Variants in KCNC4 observed in about 807,000 individuals in gnomAD.
KCNC4 encodes the protein potassium voltage-gated channel subfamily C member 4.
Under a neutral mutation model 42.8 loss-of-function variants are expected in KCNC4, and 23 were observed. The ratio of observed to expected loss-of-function variants is 0.54; its 90% confidence interval spans 0.39 to 0.76. The LOEUF (loss-of-function observed/expected upper bound fraction) is 0.76. Among genes scored for constraint, KCNC4 ranks in the 30% least tolerant of loss-of-function variants. The pLI, the probability that KCNC4 is intolerant of heterozygous loss-of-function variation, is 0.00. For synonymous variants in KCNC4, 422 were observed against 393.5 expected (o/e 1.07, Z -0.86); for missense variants, 751 against 898.2 (o/e 0.84, Z 2.10).
intron 3 of KCNC4, among the ~76,000 whole-genome samples, chr1:110,226,670 C>G (rs1421707475): frequency 6.6e-6 from 1 of 152,188 alleles, no homozygotes; most frequent in Admixed American, 6.5e-5. Context: ...GGTCCTGGAG[C>G]ACAGGATGGG....
downstream of KCNC4, among the ~76,000 whole-genome samples, chr1:110,253,438 A>G (rs1571071395): frequency 6.6e-6 from 1 of 152,250 alleles, no homozygotes; most frequent in Non-Finnish European, 1.5e-5. Flanking sequence ...AGCATCTAGC[A>G]TAGTGTCAAC....
chr1:110,240,183 T>A (rs1182297717), exon 4 of KCNC4: 2 of 152,114 alleles, frequency 1.3e-5, no homozygotes, highest in Non-Finnish European at 2.9e-5. Flanking sequence ...CCCCACTCCT[T>A]CCAGTCTTCC....
At position 110,233,393 on chromosome 1, in the gene KCNC4, T is replaced by C; in HGVS notation, c.*421T>C. ...TCTGGGAATTGCCAGTCCAGCTGGGTAGTCCCAGGCTCCTGTCTTGGGGAT... is the reference window on the plus strand; with the variant it reads ...TCTGGGAATTGCCAGTCCAGCTGGGCAGTCCCAGGCTCCTGTCTTGGGGAT... On this transcript the variant is annotated 3_prime_UTR_variant, in exon 4 of 4. Coordinates refer to ENST00000438661, the MANE Select transcript of KCNC4 (RefSeq NM_001039574.3). 1 of 248,472 alleles carries C rather than the reference T, an allele frequency of 4.0e-6. No individual in the cohort carries two copies. The allele number at this position is 248,472 out of a possible 1,614,324, so 15.4% of individuals were successfully genotyped here.
chr1:110,232,096 A>T, intron 3 of KCNC4: 1 of 804,928 alleles, frequency 1.2e-6, no homozygotes, highest in Non-Finnish European at 2.0e-6. Context: ...TCCCACTGGT[A>T]AGGTAGGGGA....
At chr1:110,219,561 G>A (rs988287234) in intron 1 of KCNC4, among the ~76,000 whole-genome samples, 2 of 152,078 alleles carry the variant, frequency 1.3e-5, no homozygotes, top group Non-Finnish European at 2.9e-5. Flanking sequence ...AGGGAGGCTC[G>A]GATCTCCACT....
At chr1:110,279,375 G>A (rs1242170996) in intron 1 of KCNC4, among the ~76,000 whole-genome samples, 1 of 152,228 alleles carries the variant, frequency 6.6e-6, no homozygotes, top group Admixed American at 6.5e-5. Flanking sequence ...TAGATTGTAA[G>A]TTCCTTGCGG....
Position 110,212,053 on chromosome 1 carries a change from C to T in KCNC4, c.554C>T (p.Ala185Val), listed in dbSNP as rs1179465395. 1.3e-6 allele frequency: 2 copies of T among 1,567,136 alleles called. No individual in the cohort carries two copies. The highest frequency in any genetic ancestry group is 1.9e-5 in the Admixed American group (1 of 52,784). ...DEAGDDEREL[A>V]LQRLGPHEGG... The stretch of plus-strand genomic sequence containing the variant: ...GCCGGCGACGATGAGCGGGAGCTGG[C>T]CCTGCAGCGACTGGGCCCCCACGAG... The change falls in exon 1 of 4, where the codon GCC (alanine) becomes GTC (valine). Residue 185 changes from alanine (A) to valine (V), a missense_variant. Physicochemically the swap from Ala to Val is moderately conservative, Grantham distance 64. Around this residue, in one of 4 missense-constraint regions of KCNC4, gnomAD observed 181 missense variants for 167.3 expected, o/e 1.08. Coordinates refer to ENST00000438661, the MANE Select transcript of KCNC4 (RefSeq NM_001039574.3).
intron 1 of KCNC4, among the ~76,000 whole-genome samples, chr1:110,213,479 G>A (rs966253452): frequency 7.2e-5 from 11 of 152,206 alleles, no homozygotes; most frequent in South Asian, 2.1e-4. Context: ...AGGGAATTGG[G>A]GAACAGGCCT....
chr1:110,249,299 A>G (rs190992992), downstream of KCNC4, among the ~76,000 whole-genome samples: 7 of 152,340 alleles, frequency 4.6e-5, no homozygotes, highest in African/African-American at 1.4e-4. Context: ...AATTGCAAGA[A>G]TATGTCTCTT....
chr1:110,236,583 T>C (rs1235399957), downstream of KCNC4: 2 of 152,176 alleles, frequency 1.3e-5, no homozygotes, highest in African/African-American at 2.4e-5. Context: ...CACACACACA[T>C]AAAGCGAGGA....
At position 110,223,697 on chromosome 1, in the gene KCNC4, T is replaced by C; in HGVS notation, c.1412T>C (p.Ile471Thr). ...ACCATCGCCATGCCGGTGCCTGTCATCGTCAACAACTTCGGCATGTACTAC... is the reference window on the plus strand; with the variant it reads ...ACCATCGCCATGCCGGTGCCTGTCACCGTCAACAACTTCGGCATGTACTAC... ...VLTIAMPVPV[I>T]VNNFGMYYSL... Residue 471 changes from isoleucine to threonine, a missense_variant, in exon 2 of 4, where the codon ATC becomes ACC. Ile to Thr is a moderately conservative substitution (Grantham distance 89). This residue lies in a region of KCNC4 where 185 missense variants were observed against 293.7 expected (regional missense o/e 0.63). Coordinates refer to ENST00000438661, the MANE Select transcript of KCNC4 (RefSeq NM_001039574.3). This position sits in a 1 kb window ranked among gnomAD's most constrained non-coding sequence, Gnocchi z 7.5. 6.2e-7 allele frequency: 1 copy of C among 1,614,050 alleles called. No homozygotes were observed. The highest frequency in any genetic ancestry group is 8.5e-7 in the Non-Finnish European group (1 of 1,180,020).
intron 1 of KCNC4, among the ~76,000 whole-genome samples, chr1:110,260,211 G>C (rs1349529166): frequency 1.3e-5 from 2 of 152,222 alleles, no homozygotes; most frequent in African/African-American, 4.8e-5. Context: ...GAACAGGGGG[G>C]CTTTTCCCTC....
Position 110,211,405 on chromosome 1 carries a change from T to TCGTCTCCTCCCCCTCCC in KCNC4, c.-93_-77dup, listed in dbSNP as rs1657436454. The TCGTCTCCTCCCCCTCCC allele has an allele frequency of 6.8e-7, 1 of 1,477,838 alleles. No individual in the cohort carries two copies. The allele number at this position is 1,477,838 out of a possible 1,614,324, so 91.5% of individuals were successfully genotyped here. On this transcript the variant is annotated 5_prime_UTR_variant, in exon 1 of 4. Coordinates refer to ENST00000438661, the MANE Select transcript of KCNC4 (RefSeq NM_001039574.3). This position sits in a 1 kb window ranked among gnomAD's most constrained non-coding sequence, Gnocchi z 6.5. ...GCCGCCACCGCCTCCTGCCTCCTCT[T>TCGTCTCCTCCCCCTCCC]CGTCTCCTCCCCCTCCCCCGTCTGA...
At chr1:110,249,622 A>G (rs1219284819), downstream of KCNC4, among the ~76,000 whole-genome samples, 1 of 152,234 alleles carries the variant, frequency 6.6e-6, no homozygotes, top group Admixed American at 6.5e-5. Flanking sequence ...ATTAGGCATC[A>G]AGCTCAGAGT....
At chr1:110,217,629 G>C (rs754597888) in intron 1 of KCNC4, among the ~76,000 whole-genome samples, 1 of 152,172 alleles carries the variant, frequency 6.6e-6, no homozygotes, top group Non-Finnish European at 1.5e-5. Context: ...CAACCCAGAG[G>C]CCCTGAGAGG....
At chr1:110,247,348 C>G (rs1164753801) in exon 4 of KCNC4, 2 of 151,158 alleles carry the variant, frequency 1.3e-5, no homozygotes, top group Non-Finnish European at 2.9e-5. Flanking sequence ...CTCTGAGTAG[C>G]TGGGACCACA....
intron 1 of KCNC4, among the ~76,000 whole-genome samples, chr1:110,216,455 C>T (rs1018820360): frequency 2.6e-5 from 4 of 152,250 alleles, no homozygotes; most frequent in Admixed American, 6.5e-5. Context: ...TCCCAGTTTC[C>T]TCTTGGGTTT....
chr1:110,245,286 T>G (rs1196651132), exon 4 of KCNC4: 1 of 152,240 alleles, frequency 6.6e-6, no homozygotes, highest in Non-Finnish European at 1.5e-5. Context: ...GGATTTTGGC[T>G]TTAATAAAAT....
intron 1 of KCNC4, among the ~76,000 whole-genome samples, chr1:110,255,978 A>G (rs149541518): frequency 1.3e-5 from 2 of 152,188 alleles, no homozygotes; most frequent in Admixed American, 6.5e-5. Context: ...GGAAGGTGGC[A>G]GGGCCATTTT....
Sources: gnomAD v4.1 joint callset for allele counts (sites outside exome capture counted in the v4.1 genomes callset) on GRCh38, gnomAD v4.1.1 for gene constraint, gnomAD v4.1.1 regional missense constraint, Gnocchi (gnomAD v3.1) non-coding constraint, MANE v1.5 for transcripts, NCBI Gene and HGNC (gene_info 2026-07-23, HGNC 2026-07-21) for gene names.